Variants in FAM210A observed in about 807,000 individuals in gnomAD.
FAM210A encodes the protein family with sequence similarity 210 member A.
FAM210A carries 13 observed loss-of-function variants against 25.3 expected under a neutral mutation model. That is an observed-to-expected ratio of 0.51 (90% confidence interval 0.33 to 0.82). The LOEUF (loss-of-function observed/expected upper bound fraction) is 0.82, where lower values mean the gene tolerates loss of function less well. FAM210A is among the 40% of genes least tolerant of loss of function. The pLI is 0.02. For missense variants in FAM210A, 319 were observed against 323.2 expected, an observed-to-expected ratio of 0.99 and a Z score of 0.10; for synonymous variants, 125 against 118.7, an observed-to-expected ratio of 1.05 and a Z score of -0.35.
At chr18:13,672,082 A>C in intron 2 of FAM210A, 109 bp from the exon 3 acceptor site, 1 of 730,222 alleles carries the variant, frequency 1.4e-6, no homozygotes. Flanking sequence ...TTTTGCTTAA[A>C]AGTTGATTCT....
At chr18:13,722,404 G>T (rs1015628102) in intron 1 of FAM210A, among the ~76,000 whole-genome samples, 1 of 151,858 alleles carries the variant, frequency 6.6e-6, no homozygotes, top group Non-Finnish European at 1.5e-5. Flanking sequence ...AGCTCTTCAC[G>T]GATTCCTGAG....
intron 2 of FAM210A, among the ~76,000 whole-genome samples, chr18:13,677,412 G>A (rs922922722): frequency 4.6e-5 from 7 of 152,170 alleles, no homozygotes; most frequent in Non-Finnish European, 7.3e-5. Flanking sequence ...AAGGGGGTCC[G>A]CGTGAGAGGG....
chr18:13,703,472 C>T (rs1601961713), intron 1 of FAM210A, among the ~76,000 whole-genome samples: 1 of 152,200 alleles, frequency 6.6e-6, no homozygotes, highest in Non-Finnish European at 1.5e-5. Context: ...TAGTATCTCC[C>T]TCTTTCAGGG....
At chr18:13,693,511 C>T (rs1375489026) in intron 1 of FAM210A, among the ~76,000 whole-genome samples, 3 of 152,190 alleles carry the variant, frequency 2.0e-5, no homozygotes, top group Non-Finnish European at 4.4e-5. Context: ...TACTGGCAAA[C>T]CAAATCCAGC....
intron 1 of FAM210A, among the ~76,000 whole-genome samples, chr18:13,694,815 T>A (rs2149062640): frequency 6.6e-6 from 1 of 152,286 alleles, no homozygotes; most frequent in Non-Finnish European, 1.5e-5. Context: ...GGGCAAGGAC[T>A]TCATCACTAA....
rs145791698 is a variant in FAM210A, at chr18:13,679,028, C to T, written c.473+2577G>A. 4.9e-3 allele frequency among the ~76,000 whole-genome samples: 749 copies of T among 152,338 alleles called. 4 individuals are homozygous for T. Among genetic ancestry groups the T allele is most frequent in the Middle Eastern group, 0.048 (14 of 294 alleles). On this transcript the variant is annotated intron_variant, in intron 2 of 3. Coordinates refer to ENST00000651643, the MANE Select transcript of FAM210A (RefSeq NM_152352.4). Reference sequence around the variant, plus strand: ...GCCAGATAGGAGCGGCAACAAAGCTCAGTTTAAAATAAAATCTATTAGCAT... The same window carrying T: ...GCCAGATAGGAGCGGCAACAAAGCTTAGTTTAAAATAAAATCTATTAGCAT...
intron 1 of FAM210A, among the ~76,000 whole-genome samples, chr18:13,715,906 C>T (rs1401687598): frequency 6.6e-6 from 1 of 152,106 alleles, no homozygotes; most frequent in Non-Finnish European, 1.5e-5. Context: ...TCAATGCTTA[C>T]ACAAAAACTT....
chr18:13,718,854 A>C (rs770959704), intron 1 of FAM210A, among the ~76,000 whole-genome samples: 32 of 152,226 alleles, frequency 2.1e-4, no homozygotes, highest in Non-Finnish European at 4.4e-4. Context: ...GGTGAAAAAT[A>C]CTAGTAACCT....
At chr18:13,712,594 CAA>C (rs1000530746) in intron 1 of FAM210A, among the ~76,000 whole-genome samples, 12 of 152,052 alleles carry the variant, frequency 7.9e-5, no homozygotes, top group African/African-American at 2.9e-4. Context: ...AAAAGAGACT[CAA>C]GAGAGCTCAT....
At chr18:13,683,733 T>C (rs2043574172) in intron 1 of FAM210A, among the ~76,000 whole-genome samples, 2 of 152,156 alleles carry the variant, frequency 1.3e-5, no homozygotes, top group South Asian at 4.1e-4. Context: ...CCACTCCCAA[T>C]GCCAGCTCTA....
chr18:13,709,463 C>G (rs902490562), intron 1 of FAM210A, among the ~76,000 whole-genome samples: 1 of 152,166 alleles, frequency 6.6e-6, no homozygotes, highest in Admixed American at 6.5e-5. Context: ...CCAACTGCTT[C>G]GCCTCCTGGA....
rs1789192572 is a variant in FAM210A, at chr18:13,665,360, A to AG, written c.*1119dup. On this transcript the variant is annotated 3_prime_UTR_variant, in exon 4 of 4. Coordinates refer to ENST00000651643, the MANE Select transcript of FAM210A (RefSeq NM_152352.4). ...GTACCATTGCACTCCAGTCTGGGAG[A>AG]GAGAGAGGGAGGCTCCGTCTCAAAA... 1 of 120,054 alleles carries AG rather than the reference A, an allele frequency of 8.3e-6. No homozygotes were observed. Among genetic ancestry groups the AG allele is most frequent in the Admixed American group, 1.1e-4 (1 of 9,404 alleles). 7.4% of individuals were successfully genotyped at this position (120,054 alleles called of 1,614,324 possible).
chr18:13,679,770 G>C (rs1172133709), intron 2 of FAM210A, among the ~76,000 whole-genome samples: 1 of 152,158 alleles, frequency 6.6e-6, no homozygotes, highest in African/African-American at 2.4e-5. Flanking sequence ...CTGCAAAAAA[G>C]AGGGAGGAAA....
intron 1 of FAM210A, among the ~76,000 whole-genome samples, chr18:13,698,217 G>T (rs1431523033): frequency 6.6e-6 from 1 of 151,878 alleles, no homozygotes; most frequent in Non-Finnish European, 1.5e-5. Flanking sequence ...GCTGGGCATG[G>T]TGGCGGGTGC....
chr18:13,717,425 G>C (rs947807319), intron 1 of FAM210A, among the ~76,000 whole-genome samples: 1 of 151,580 alleles, frequency 6.6e-6, no homozygotes, highest in African/African-American at 2.4e-5. Context: ...TTACAGGTGT[G>C]ACCCACTGTG....
intron 1 of FAM210A, among the ~76,000 whole-genome samples, chr18:13,713,764 A>C (rs547554062): frequency 6.6e-4 from 100 of 151,116 alleles, no homozygotes; most frequent in African/African-American, 2.2e-3. Flanking sequence ...GTTTAGAGAC[A>C]GGGTCTTGCT....
Position 13,665,351 on chromosome 18 carries a change from G to A in FAM210A, c.*1129C>T, listed in dbSNP as rs964014380. On this transcript the variant is annotated 3_prime_UTR_variant, in exon 4 of 4. Transcript: ENST00000651643. ...GCCGAGATTGTACCATTGCACTCCA[G>A]TCTGGGAGAGAGAGAGGGAGGCTCC... 8.0e-6 allele frequency: 1 copy of A among 125,770 alleles called. No homozygotes were observed. Among genetic ancestry groups the A allele is most frequent in the Non-Finnish European group, 1.6e-5 (1 of 63,616 alleles). 7.8% of individuals were successfully genotyped at this position (125,770 alleles called of 1,614,324 possible). A position where few individuals can be genotyped will look rare whatever the true frequency, so the allele number is the denominator to read the frequency against.
At chr18:13,703,120 C>T (rs2043753608) in intron 1 of FAM210A, among the ~76,000 whole-genome samples, 1 of 152,216 alleles carries the variant, frequency 6.6e-6, no homozygotes, top group South Asian at 2.1e-4. Context: ...AGATTTCTTT[C>T]AACATCTAAG....
intron 1 of FAM210A, among the ~76,000 whole-genome samples, chr18:13,723,082 C>T (rs1048313762): frequency 9.9e-5 from 15 of 152,142 alleles, no homozygotes; most frequent in Non-Finnish European, 7.3e-5. Context: ...TATCAAATAC[C>T]TGATCATTCT....
Sources: gnomAD v4.1 joint callset for allele counts (sites outside exome capture counted in the v4.1 genomes callset) on GRCh38, gnomAD v4.1.1 for gene constraint, MANE v1.5 for transcripts, NCBI Gene and HGNC (gene_info 2026-07-23, HGNC 2026-07-21) for gene names.